Variants in ERH observed in about 807,000 individuals in gnomAD.
ERH encodes the protein enhancer of rudimentary homolog.
Under a neutral mutation model 16.8 loss-of-function variants are expected in ERH, and 1 was observed. The ratio of observed to expected loss-of-function variants is 0.06; its 90% CI spans 0.02 to 0.28. ERH has a LOEUF of 0.28. Ranked by LOEUF, ERH falls within the 10% of genes least tolerant of loss-of-function variation. The pLI is 1.00. For missense variants in ERH, 42 were observed against 127.5 expected (o/e 0.33, Z 3.23); for synonymous variants, 43 against 43.6 (o/e 0.99, Z 0.05).
chr14:69,397,975 G>A (rs1882402888), intron 1 of ERH: 1 of 598,260 alleles, frequency 1.7e-6, no homozygotes, highest in South Asian at 2.0e-5. Flanking sequence ...TCGGGAGAGA[G>A]TTCATCCTCA....
At chr14:69,391,024 G>C (rs1189914741) in intron 2 of ERH, among the ~76,000 whole-genome samples, 1 of 152,208 alleles carries the variant, frequency 6.6e-6, no homozygotes, top group Admixed American at 6.5e-5. Context: ...CATTCACGCT[G>C]GTGGGAATGC....
chr14:69,380,516 C>G lies in ERH; in HGVS notation c.*22G>C, dbSNP rs868248881. Reference sequence around the variant, plus strand: ...ACCTGTGTTCCAAGCCCACCCCAACCCCCCCAGTGCTTCCAACACAATTAT... The same window carrying G: ...ACCTGTGTTCCAAGCCCACCCCAACGCCCCCAGTGCTTCCAACACAATTAT... On this transcript the variant is annotated 3_prime_UTR_variant, in exon 4 of 4. Transcript: ENST00000557016. 5 of 1,300,960 alleles carry G rather than the reference C, an allele frequency of 3.8e-6. No homozygotes were observed. Among genetic ancestry groups the G allele is most frequent in the East Asian group, 2.3e-5 (1 of 43,332 alleles). 80.6% of individuals were successfully genotyped at this position (1,300,960 alleles called of 1,614,324 possible). A position where few individuals can be genotyped will look rare whatever the true frequency, so the allele number is the denominator to read the frequency against.
chr14:69,389,388 A>G (rs1449682513), intron 2 of ERH, among the ~76,000 whole-genome samples: 1 of 152,208 alleles, frequency 6.6e-6, no homozygotes, highest in Non-Finnish European at 1.5e-5. Flanking sequence ...AGAATACCAG[A>G]ATATTTATTG....
At chr14:69,396,870 G>A (rs1343180432) in intron 1 of ERH, among the ~76,000 whole-genome samples, 1 of 152,166 alleles carries the variant, frequency 6.6e-6, no homozygotes, top group African/African-American at 2.4e-5. Context: ...TTATACAGAA[G>A]TCTTTGTAAG....
chr14:69,389,479 G>A (rs1303602883), intron 2 of ERH, among the ~76,000 whole-genome samples: 1 of 152,114 alleles, frequency 6.6e-6, no homozygotes, highest in Non-Finnish European at 1.5e-5. Flanking sequence ...CCTTCAGATT[G>A]GAAAGGAAGA....
intron 3 of ERH, among the ~76,000 whole-genome samples, chr14:69,386,217 C>G (rs1289177779): frequency 1.3e-5 from 2 of 152,194 alleles, no homozygotes; most frequent in Non-Finnish European, 2.9e-5. Context: ...CAGCCACATT[C>G]CATGATTGGC....
At chr14:69,394,935 AAT>A (rs1882299564) in intron 1 of ERH, 23 bp from the exon 2 acceptor site, 1 of 1,520,948 alleles carries the variant, frequency 6.6e-7, no homozygotes. Context: ...ACATGATTTC[AAT>A]ATAAGTTTCT....
chr14:69,394,287 T>A (rs909931605), intron 2 of ERH, among the ~76,000 whole-genome samples: 2 of 145,348 alleles, frequency 1.4e-5, no homozygotes, highest in Non-Finnish European at 3.0e-5. Flanking sequence ...TACATTAGTT[T>A]AAAAAAAAAA....
At chr14:69,398,207 G>A in intron 1 of ERH, 24 bp downstream of exon 1, 1 of 1,614,026 alleles carries the variant, frequency 6.2e-7, no homozygotes, top group South Asian at 1.1e-5. Context: ...CTCGGACTCG[G>A]GTAGCCGCGG....
chr14:69,387,994 C>T (rs1003060205), intron 2 of ERH, among the ~76,000 whole-genome samples: 2 of 152,190 alleles, frequency 1.3e-5, no homozygotes, highest in East Asian at 1.9e-4. Context: ...TGCAGTGAGC[C>T]GAGATCGGCC....
chr14:69,395,088 G>C (rs1882307213), intron 1 of ERH, among the ~76,000 whole-genome samples, 176 bp from the exon 2 acceptor site: 1 of 152,132 alleles, frequency 6.6e-6, no homozygotes, highest in Admixed American at 6.6e-5. Flanking sequence ...CTGAGAGGGG[G>C]AAAATCACTT....
intron 3 of ERH, among the ~76,000 whole-genome samples, chr14:69,381,390 G>A (rs937274646): frequency 5.3e-5 from 8 of 152,140 alleles, no homozygotes; most frequent in Non-Finnish European, 1.2e-4. Context: ...CCTTCCCCCT[G>A]TAAAGTATTA....
chr14:69,383,689 A>T (rs79020770), intron 3 of ERH, among the ~76,000 whole-genome samples: 4,937 of 152,290 alleles, frequency 0.032, 100 homozygotes, highest in Non-Finnish European at 0.05. Context: ...CTACTAAAAA[A>T]CCATAAATTA....
intron 2 of ERH, among the ~76,000 whole-genome samples, chr14:69,387,413 A>G (rs1013856945): frequency 6.6e-6 from 1 of 152,180 alleles, no homozygotes; most frequent in Admixed American, 6.5e-5. Flanking sequence ...TTAAAAAATT[A>G]GCCAGGCGTG....
intron 1 of ERH, among the ~76,000 whole-genome samples, chr14:69,397,637 G>C (rs1004376424): frequency 6.6e-6 from 1 of 152,162 alleles, no homozygotes; most frequent in Non-Finnish European, 1.5e-5. Flanking sequence ...TACCATATCC[G>C]GCAGGGCCCG....
At chr14:69,387,141 A>C (rs1391889651) in intron 2 of ERH, 58 bp from the exon 3 acceptor site, 1 of 1,474,932 alleles carries the variant, frequency 6.8e-7, no homozygotes, top group East Asian at 2.3e-5. Flanking sequence ...TCTAGATATG[A>C]GCAGTGCTTA....
chr14:69,388,580 T>A (rs930147093), intron 2 of ERH, among the ~76,000 whole-genome samples: 1 of 152,196 alleles, frequency 6.6e-6, no homozygotes, highest in Admixed American at 6.5e-5. Flanking sequence ...CAGGCTGATC[T>A]TGAACTCCTG....
At chr14:69,387,603 A>C (rs981548520) in intron 2 of ERH, among the ~76,000 whole-genome samples, 4 of 151,438 alleles carry the variant, frequency 2.6e-5, no homozygotes, top group African/African-American at 9.7e-5. Context: ...ACTGGAGCTA[A>C]GGGGCTTTAA....
intron 2 of ERH, among the ~76,000 whole-genome samples, chr14:69,393,247 G>A (rs1053848957): frequency 4.6e-5 from 7 of 152,150 alleles, no homozygotes; most frequent in South Asian, 2.1e-4. Flanking sequence ...AACCAAGAAG[G>A]CAGAAGTTGC....
Sources: gnomAD v4.1 joint callset for allele counts (sites outside exome capture counted in the v4.1 genomes callset) on GRCh38, gnomAD v4.1.1 for gene constraint, MANE v1.5 for transcripts, NCBI Gene and HGNC (gene_info 2026-07-23, HGNC 2026-07-21) for gene names.